CCBE1: variants seen among roughly 807,000 people sequenced by gnomAD.
The protein encoded by CCBE1 is collagen and calcium-binding EGF domain-containing protein 1.
Under a neutral mutation model 50.0 loss-of-function variants are expected in CCBE1, and 37 were observed. The observed-to-expected ratio is 0.74, with a 90% CI of 0.57 to 0.97. CCBE1 has a LOEUF of 0.97. Among genes scored for constraint, CCBE1 ranks in the 50% least tolerant of loss-of-function variants. The pLI, the probability that CCBE1 is intolerant of heterozygous loss-of-function variation, is 0.00. For synonymous variants in CCBE1, 234 were observed against 203.7 expected, an observed-to-expected ratio of 1.15 and a Z score of -1.27; for missense variants, 538 against 523.8, an observed-to-expected ratio of 1.03 and a Z score of -0.26.
chr18:59,550,439 C>T (rs7227690), intron 2 of CCBE1, among the ~76,000 whole-genome samples: 5,648 of 152,224 alleles, frequency 0.037, 163 homozygotes, highest in African/African-American at 0.078. Context: ...CTGGTGGCGT[C>T]GCTGCTCAGA....
chr18:59,449,652 CT>C (rs1910840410), intron 6 of CCBE1, among the ~76,000 whole-genome samples: 1 of 151,288 alleles, frequency 6.6e-6, no homozygotes, highest in Admixed American at 6.6e-5. Flanking sequence ...GAAATGCTGT[CT>C]GGGGGCTGCT....
intron 2 of CCBE1, among the ~76,000 whole-genome samples, chr18:59,678,085 C>T (rs567898846): frequency 1.3e-5 from 2 of 152,214 alleles, no homozygotes; most frequent in South Asian, 2.1e-4. Flanking sequence ...TGGTTGTAAG[C>T]GGGTGCGGTA....
At chr18:59,694,930 C>A (rs769331616) in intron 2 of CCBE1, among the ~76,000 whole-genome samples, 1 of 152,104 alleles carries the variant, frequency 6.6e-6, no homozygotes, top group Admixed American at 6.5e-5. Flanking sequence ...GTCATTTTTG[C>A]GAGATCTCAT....
intron 2 of CCBE1, among the ~76,000 whole-genome samples, chr18:59,669,653 G>A (rs2054405661): frequency 6.6e-6 from 1 of 152,174 alleles, no homozygotes; most frequent in African/African-American, 2.4e-5. Flanking sequence ...AACACCCGCG[G>A]TGCCCTTGTG....
At chr18:59,596,787 G>A (rs55766599) in intron 2 of CCBE1, among the ~76,000 whole-genome samples, 2,059 of 152,296 alleles carry the variant, frequency 0.014, 57 homozygotes, top group African/African-American at 0.047. Flanking sequence ...AGGGCCACAG[G>A]TGTGACTTCT....
In CCBE1 at chr18:59,559,009, G is replaced by A. The variant is rs115261608; in HGVS notation, c.213-78771C>T. 8.0e-3 allele frequency among the ~76,000 whole-genome samples: 1,213 copies of A among 152,298 alleles called. 20 individuals are homozygous for A. Among genetic ancestry groups the A allele is most frequent in the African/African-American group, 0.028 (1,170 of 41,560 alleles). On this transcript the variant is annotated intron_variant, in intron 2 of 10. Transcript: ENST00000439986. ...TCAGCATGGGCTGGACCTGGACCCC[G>A]GGATCTGACAATTGGTGATGAGGAT...
intron 2 of CCBE1, among the ~76,000 whole-genome samples, chr18:59,575,112 GA>G (rs1381431132): frequency 6.6e-6 from 1 of 152,162 alleles, no homozygotes; most frequent in East Asian, 1.9e-4. Context: ...CCAGAAGGTG[GA>G]GGACAGACCT....
At position 59,620,714 on chromosome 18, in the gene CCBE1, C is replaced by T. The variant is rs530944069; in HGVS notation, c.212+75915G>A. Among the ~76,000 whole-genome samples the T allele has an allele frequency of 6.2e-4, 95 of 152,324 alleles. 3 individuals carry two copies. The South Asian group carries it at 0.017, about 28-fold the overall frequency. Reference sequence around the variant, plus strand: ...GAGTTCCCCTGCACAAGCTCTCCTGCCTGATGCCATATAAGACATCCCTTT... The same window carrying T: ...GAGTTCCCCTGCACAAGCTCTCCTGTCTGATGCCATATAAGACATCCCTTT... On this transcript the variant is annotated intron_variant, in intron 2 of 10. Transcript: ENST00000439986.
At chr18:59,611,234 C>A (rs1019788585) in intron 2 of CCBE1, among the ~76,000 whole-genome samples, 1 of 152,226 alleles carries the variant, frequency 6.6e-6, no homozygotes, top group Non-Finnish European at 1.5e-5. Context: ...TCTTCCCTTG[C>A]TTCCGAGTAA....
intron 2 of CCBE1, among the ~76,000 whole-genome samples, chr18:59,514,041 T>C (rs1914253464): frequency 6.6e-6 from 1 of 152,172 alleles, no homozygotes; most frequent in South Asian, 2.1e-4. Flanking sequence ...CATGGGGCCG[T>C]GGCTTTACTA....
intron 2 of CCBE1, among the ~76,000 whole-genome samples, chr18:59,656,262 G>A (rs2054187931): frequency 6.6e-6 from 1 of 152,184 alleles, no homozygotes; most frequent in Non-Finnish European, 1.5e-5. Context: ...CACTAGAGTT[G>A]ACTGAATTTT....
chr18:59,488,223 A>T (rs1912916488), intron 2 of CCBE1, among the ~76,000 whole-genome samples: 1 of 152,238 alleles, frequency 6.6e-6, no homozygotes. Context: ...TAACGGATAC[A>T]GAGTTTCAGT....
chr18:59,481,801 A>G (rs1477056344), intron 2 of CCBE1, among the ~76,000 whole-genome samples: 8 of 152,240 alleles, frequency 5.3e-5, no homozygotes, highest in Non-Finnish European at 1.0e-4. Flanking sequence ...CCTGTGTTAA[A>G]GGGAGTTCTT....
intron 2 of CCBE1, among the ~76,000 whole-genome samples, chr18:59,509,925 G>A (rs561480039): frequency 6.6e-6 from 1 of 152,222 alleles, no homozygotes; most frequent in African/African-American, 2.4e-5. Context: ...GGGAAGGCCA[G>A]GGAGGGGAGT....
At chr18:59,439,184 G>T (rs1490481351) in intron 9 of CCBE1, among the ~76,000 whole-genome samples, 4 of 152,236 alleles carry the variant, frequency 2.6e-5, no homozygotes, top group Non-Finnish European at 5.9e-5. Flanking sequence ...CTACTCGGGA[G>T]GCTGAGGCAG....
At position 59,654,770 on chromosome 18, in the gene CCBE1, G is replaced by T. The variant is rs1356005880; in HGVS notation, c.212+41859C>A. ...TCGTGCCACTGCGCTCCAGCCTGGT[G>T]ACAGAGTGAGACTCCGTCTCCAAAA... On this transcript the variant is annotated intron_variant, in intron 2 of 10. Transcript: ENST00000439986. 2.0e-4 allele frequency among the ~76,000 whole-genome samples: 26 copies of T among 132,248 alleles called. No individual in the cohort carries two copies. In the Admixed American group the frequency reaches 2.2e-3, roughly 11 times the overall value. The allele number at this position is 132,248 out of a possible 152,430, so 86.8% of individuals were successfully genotyped here.
chr18:59,474,984 T>C (rs1374455265), intron 3 of CCBE1, among the ~76,000 whole-genome samples: 1 of 152,186 alleles, frequency 6.6e-6, no homozygotes, highest in African/African-American at 2.4e-5. Context: ...CGTGGGTTTG[T>C]CTTTTGTGAA....
At position 59,590,787 on chromosome 18, in the gene CCBE1, T is replaced by C. The variant is rs577846234; in HGVS notation, c.212+105842A>G. On this transcript the variant is annotated intron_variant, in intron 2 of 10. Transcript: ENST00000439986. ...GGCAAAAATGGGTTTTAATAAGTTG[T>C]ATTAGGACAACTAAATAGTCCATTA... is the stretch of plus-strand genomic sequence containing the variant. Among the ~76,000 whole-genome samples the C allele has an allele frequency of 5.9e-5, 9 of 152,350 alleles. No individual in the cohort carries two copies. In the South Asian group the frequency reaches 1.9e-3, roughly 32 times the overall value.
intron 2 of CCBE1, among the ~76,000 whole-genome samples, chr18:59,654,939 T>C (rs1342142619): frequency 6.6e-6 from 1 of 151,518 alleles, no homozygotes; most frequent in African/African-American, 2.4e-5. Flanking sequence ...TGCAAAAAGT[T>C]AGCCAGGCAT....
Sources: gnomAD v4.1 joint callset for allele counts (sites outside exome capture counted in the v4.1 genomes callset) on GRCh38, gnomAD v4.1.1 for gene constraint, MANE v1.5 for transcripts, NCBI Gene and HGNC (gene_info 2026-07-23, HGNC 2026-07-21) for gene names.